SPEN: variants seen among roughly 807,000 people sequenced by gnomAD.
SPEN encodes the protein spen family transcriptional repressor.
Under a neutral mutation model 269.9 loss-of-function variants are expected in SPEN, and 18 were observed. The observed-to-expected ratio is 0.07, with a 90% CI of 0.05 to 0.10. The LOEUF (loss-of-function observed/expected upper bound fraction) is 0.10. Ranked by LOEUF, SPEN falls within the 10% of genes least tolerant of loss-of-function variation. The pLI is 1.00. For missense variants in SPEN, 3,822 were observed against 4,631.2 expected, an observed-to-expected ratio of 0.83 and a Z score of 5.07; for synonymous variants, 1,726 against 1,765.7, an observed-to-expected ratio of 0.98 and a Z score of 0.56.
At chr1:15,883,717 T>A (rs185772987) in intron 3 of SPEN, among the ~76,000 whole-genome samples, 55 of 140,880 alleles carry the variant, frequency 3.9e-4, no homozygotes, top group South Asian at 1.3e-3. Flanking sequence ...GTCTGTATAT[T>A]TTTTTTTAAT....
In SPEN at chr1:15,935,858, C is replaced by T. The variant is rs780059464; in HGVS notation, c.9618C>T (p.Val3206=). The T allele has an allele frequency of 3.1e-5, 50 of 1,613,618 alleles. No individual in the cohort carries two copies. Among genetic ancestry groups the T allele is most frequent in the Non-Finnish European group, 8.5e-6 (10 of 1,180,010 alleles). The part of the protein sequence containing the change: ...RIMVHPHVTA[V]SEQPRAADGV... ...TGGTGCATCCACATGTGACGGCAGT[C>T]AGCGAGCAGCCCAGGGCCGCGGATG... The change falls in exon 11 of 15, where the codon GTC becomes GTT. Residue 3206 remains valine (V), a synonymous_variant. Transcript: ENST00000375759. This position sits in a 1 kb window ranked among gnomAD's most constrained non-coding sequence, Gnocchi z 7.7.
chr1:15,916,639 A>T (rs2071070098), intron 6 of SPEN, among the ~76,000 whole-genome samples: 1 of 151,150 alleles, frequency 6.6e-6, no homozygotes, highest in South Asian at 2.1e-4. Context: ...CAGTCTCCTG[A>T]GTAGCTGGGA....
chr1:15,881,850 C>A (rs549482763), intron 3 of SPEN, among the ~76,000 whole-genome samples: 1 of 152,270 alleles, frequency 6.6e-6, no homozygotes, highest in South Asian at 2.1e-4. Flanking sequence ...ATCTTTACAA[C>A]TTGTGAAACT....
chr1:15,872,728 C>T (rs758292879), intron 1 of SPEN, 88 bp from the exon 2 acceptor site: 4 of 1,082,636 alleles, frequency 3.7e-6, no homozygotes, highest in Admixed American at 2.7e-5. Context: ...CTCCTACATA[C>T]ATAACGCAAA....
chr1:15,932,412 G>C lies in SPEN; in HGVS notation c.6172G>C (p.Ala2058Pro), dbSNP rs200349060. ...CACAGACAAAAACCCCCCTGAAACC[G>C]CCCCTGTTGAAGTTGTAGAGAAAAA... ...AGTDKNPPET[A>P]PVEVVEKKPA... is the part of the protein sequence containing the mutation. The change falls in exon 11 of 15, where the codon GCC becomes CCC. Residue 2058 changes from alanine to proline, a missense_variant. Physicochemically the swap from Ala to Pro is conservative, Grantham distance 27 (BLOSUM62 -1). This residue lies in a region of SPEN where 727 missense variants were observed against 737.9 expected (regional missense o/e 0.99). Transcript: ENST00000375759. The surrounding 1 kb of genome is among the most constrained non-coding windows in gnomAD (Gnocchi z 4.2). 9.9e-6 allele frequency: 16 copies of C among 1,614,070 alleles called. No homozygotes were observed. The East Asian group carries it at 3.3e-4, about 34-fold the overall frequency.
At position 15,935,657 on chromosome 1, in the gene SPEN, C is replaced by T. The variant is rs1211292218; in HGVS notation, c.9417C>T (p.Thr3139=). The part of the protein sequence containing the change: ...IEVRAPQRAS[T]PQPAPAGVPA... Reference sequence around the variant, plus strand: ...TCAGGGCCCCACAGCGTGCCAGCACCCCGCAGCCAGCCCCAGCTGGTGTGC... The same window carrying T: ...TCAGGGCCCCACAGCGTGCCAGCACTCCGCAGCCAGCCCCAGCTGGTGTGC... The change falls in exon 11 of 15, where the codon ACC becomes ACT. Residue 3139 remains threonine, a synonymous_variant. Transcript: ENST00000375759. This position sits in a 1 kb window ranked among gnomAD's most constrained non-coding sequence, Gnocchi z 7.7. 6.2e-6 allele frequency: 10 copies of T among 1,613,936 alleles called. No homozygotes were observed. The South Asian group carries it at 7.7e-5, about 12-fold the overall frequency.
rs764181934 is a variant in SPEN at position 15,928,425 on chromosome 1, G to A, written c.2185G>A (p.Val729Ile). 1.2e-6 allele frequency: 2 copies of A among 1,614,146 alleles called. No individual in the cohort carries two copies. The highest frequency in any genetic ancestry group is 1.3e-5 in the African/African-American group (1 of 75,038). Residue 729 changes from valine (V) to isoleucine (I), a missense_variant, in exon 11 of 15, where the codon GTT (valine) becomes ATT (isoleucine). Physicochemically the swap from Val to Ile is conservative, Grantham distance 29. Coordinates refer to ENST00000375759, the MANE Select transcript of SPEN (RefSeq NM_015001.3). This position sits in a 1 kb window ranked among gnomAD's most constrained non-coding sequence, Gnocchi z 5.7. ...GCCGATTGAACGAAGTCAAAGTCCT[G>A]TTCACTTGCGACGTCCACAGAGTCC... The part of the protein sequence containing the change: ...RRPIERSQSP[V>I]HLRRPQSPGA...
rs570076431 is a variant in SPEN at position 15,900,335 on chromosome 1, C to T, written c.882-8986C>T. On this transcript the variant is annotated intron_variant, in intron 3 of 14. Transcript: ENST00000375759. ...AGGTTGACGGTAAGGAAAGCTGTTG[C>T]GGTAAAAACCATTTCAATATGAATG... Among the ~76,000 whole-genome samples the T allele has an allele frequency of 1.5e-4, 23 of 152,160 alleles. No individual in the cohort carries two copies. In the South Asian group the frequency reaches 3.1e-3, roughly 21 times the overall value.
At chr1:15,872,419 C>T (rs188497270) in intron 1 of SPEN, among the ~76,000 whole-genome samples, 108 of 151,768 alleles carry the variant, frequency 7.1e-4, no homozygotes, top group Admixed American at 2.3e-3. Flanking sequence ...GGTGAAACCC[C>T]GTCTCTACTA....
chr1:15,891,138 C>T (rs1046354136), intron 3 of SPEN, among the ~76,000 whole-genome samples: 5 of 152,108 alleles, frequency 3.3e-5, no homozygotes, highest in African/African-American at 7.2e-5. Flanking sequence ...AAAGAAATTC[C>T]GTTTACAGGA....
At chr1:15,894,533 G>GTGGTT (rs1557746623) in intron 3 of SPEN, among the ~76,000 whole-genome samples, 9 of 136,014 alleles carry the variant, frequency 6.6e-5, no homozygotes, top group African/African-American at 3.0e-5. Context: ...CCATATTATG[G>GTGGTT]TTGTTTTTTT....
At position 15,899,563 on chromosome 1, in the gene SPEN, T is replaced by TA. The variant is rs71587745; in HGVS notation, c.882-9756dup. On this transcript the variant is annotated intron_variant, in intron 3 of 14. Coordinates refer to ENST00000375759, the MANE Select transcript of SPEN (RefSeq NM_015001.3). ...TTTTTTTTTTTTTTTTTTTTTTTTT[T>TA]AAGATCCTGTGTTGTTTATGCTGAA... Among the ~76,000 whole-genome samples the TA allele has an allele frequency of 4.8e-5, 7 of 146,322 alleles. No homozygotes were observed. In the East Asian group the frequency reaches 5.9e-4, roughly 12 times the overall value.
rs1361740119 is a variant in SPEN, at chr1:15,930,862, A to G, written c.4622A>G (p.Lys1541Arg). ...AGCTCAATCTTTGAACAAGATTCCA[A>G]GCGATTGCAGCATCTAGAGAGAAAA... is the stretch of plus-strand genomic sequence containing the variant. ...LHSSIFEQDS[K>R]RLQHLERKEE... The change falls in exon 11 of 15, where the codon AAG (lysine) becomes AGG (arginine). Residue 1541 changes from lysine to arginine, a missense_variant. Coordinates refer to ENST00000375759, the MANE Select transcript of SPEN (RefSeq NM_015001.3). The surrounding 1 kb of genome is among the most constrained non-coding windows in gnomAD (Gnocchi z 5.3). 1 of 1,614,038 alleles carries G rather than the reference A, an allele frequency of 6.2e-7. No individual in the cohort carries two copies. Among genetic ancestry groups the G allele is most frequent in the Non-Finnish European group, 8.5e-7 (1 of 1,180,052 alleles).
intron 3 of SPEN, among the ~76,000 whole-genome samples, chr1:15,886,311 C>T (rs2070735929): frequency 6.6e-6 from 1 of 152,164 alleles, no homozygotes; most frequent in Non-Finnish European, 1.5e-5. Flanking sequence ...ATGAGAAGCG[C>T]TCATCTGGGC....
intron 3 of SPEN, among the ~76,000 whole-genome samples, chr1:15,885,068 A>C (rs2070724363): frequency 6.6e-6 from 1 of 152,140 alleles, no homozygotes; most frequent in Non-Finnish European, 1.5e-5. Flanking sequence ...CAAATTAATA[A>C]TTAGTGATCA....
intron 3 of SPEN, among the ~76,000 whole-genome samples, chr1:15,879,996 A>T (rs893060677): frequency 1.3e-5 from 2 of 152,122 alleles, no homozygotes; most frequent in Admixed American, 6.6e-5. Flanking sequence ...TTCACCTTGT[A>T]TAGTGTTTTA....
rs928994676 is a variant in SPEN at position 15,919,024 on chromosome 1, G to T, written c.1494G>T (p.Gly498=). 1 of 1,611,466 alleles carries T rather than the reference G, an allele frequency of 6.2e-7. No homozygotes were observed. Among genetic ancestry groups the T allele is most frequent in the African/African-American group, 1.3e-5 (1 of 74,948 alleles). ...GTAAAGCTATTAAGAAGATGGATGG[G>T]GAATATCTTGGAAATAATCGCCTCA... ...SVCKAIKKMD[G]EYLGNNRLKL... Residue 498 remains glycine (G), a synonymous_variant, in exon 7 of 15, where the codon GGG becomes GGT. Coordinates refer to ENST00000375759, the MANE Select transcript of SPEN (RefSeq NM_015001.3).
At chr1:15,861,218 A>G (rs988035882) in intron 1 of SPEN, among the ~76,000 whole-genome samples, 2 of 129,208 alleles carry the variant, frequency 1.5e-5, no homozygotes, top group South Asian at 2.4e-4. Flanking sequence ...ACTGCATTCC[A>G]CCTCCCGGGT....
chr1:15,877,011 G>A (rs1406110145), intron 3 of SPEN, among the ~76,000 whole-genome samples: 2 of 152,098 alleles, frequency 1.3e-5, no homozygotes, highest in Non-Finnish European at 2.9e-5. Context: ...AATTTTGTAG[G>A]TGTATAATAC....
Sources: gnomAD v4.1 joint callset for allele counts (sites outside exome capture counted in the v4.1 genomes callset) on GRCh38, gnomAD v4.1.1 for gene constraint, gnomAD v4.1.1 regional missense constraint, Gnocchi (gnomAD v3.1) non-coding constraint, MANE v1.5 for transcripts, NCBI Gene and HGNC (gene_info 2026-07-23, HGNC 2026-07-21) for gene names.